Variants in BFSP2 observed in about 807,000 individuals in gnomAD.
BFSP2 encodes the protein beaded filament structural protein 2, also known as phakinin.
A neutral mutation model predicts 44.9 loss-of-function variants in BFSP2; 38 were observed. The ratio of observed to expected loss-of-function variants is 0.85; its 90% CI spans 0.65 to 1.11. The LOEUF is 1.11. BFSP2 is among the 50% of genes least tolerant of loss of function. The probability of loss-of-function intolerance (pLI) is 0.00; values close to 1 mark genes in which losing one functional copy is unlikely to be tolerated. For synonymous variants in BFSP2, 197 were observed against 209.9 expected, an observed-to-expected ratio of 0.94 and a Z score of 0.53; for missense variants, 525 against 533.0, an observed-to-expected ratio of 0.99 and a Z score of 0.15.
chr3:133,461,765 G>A (rs1410888959), intron 4 of BFSP2, among the ~76,000 whole-genome samples: 1 of 152,210 alleles, frequency 6.6e-6, no homozygotes, highest in Non-Finnish European at 1.5e-5. Flanking sequence ...GGAACACAGT[G>A]ACATTAAAAC....
intron 4 of BFSP2, among the ~76,000 whole-genome samples, chr3:133,459,263 G>A (rs565944250): frequency 5.9e-5 from 9 of 152,158 alleles, no homozygotes; most frequent in East Asian, 1.9e-4. Flanking sequence ...AGAACTGCTC[G>A]AACTCAGGAG....
intron 1 of BFSP2, among the ~76,000 whole-genome samples, chr3:133,430,557 C>G (rs1423418283): frequency 6.6e-6 from 1 of 152,158 alleles, no homozygotes; most frequent in African/African-American, 2.4e-5. Context: ...TCCAAATAGC[C>G]AGAAAACGGC....
chr3:133,424,141 G>A (rs2073619957), intron 1 of BFSP2, among the ~76,000 whole-genome samples: 1 of 150,218 alleles, frequency 6.7e-6, no homozygotes, highest in Admixed American at 6.6e-5. Context: ...AACCTCCGCC[G>A]CCCGGGTTCA....
At position 133,474,994 on chromosome 3, in the gene BFSP2, A is replaced by G. The variant is rs759824061; in HGVS notation, c.*22A>G. 2 of 1,613,928 alleles carry G rather than the reference A, an allele frequency of 1.2e-6. No individual in the cohort carries two copies. Among genetic ancestry groups the G allele is most frequent in the African/African-American group, 1.3e-5 (1 of 74,990 alleles). On this transcript the variant is annotated 3_prime_UTR_variant, in exon 7 of 7. Coordinates refer to ENST00000302334, the MANE Select transcript of BFSP2 (RefSeq NM_003571.4). ...CTGATGGAGAAACTTCCTCTTTTTC[A>G]TGAAGAAAACACCCTTCCTCAACAG...
At chr3:133,405,956 ATTT>A (rs1421419896) in intron 1 of BFSP2, among the ~76,000 whole-genome samples, 1 of 151,882 alleles carries the variant, frequency 6.6e-6, no homozygotes, top group Non-Finnish European at 1.5e-5. Context: ...CTCTTTATTT[ATTT>A]TTATTTATTT....
chr3:133,456,907 A>C (rs2074017735), intron 4 of BFSP2, among the ~76,000 whole-genome samples: 2 of 151,982 alleles, frequency 1.3e-5, no homozygotes, highest in Non-Finnish European at 1.5e-5. Context: ...GCATCTCTCC[A>C]TGTCATCTAC....
chr3:133,473,971 G>C (rs953516385), intron 6 of BFSP2, among the ~76,000 whole-genome samples: 1 of 152,206 alleles, frequency 6.6e-6, no homozygotes, highest in South Asian at 2.1e-4. Flanking sequence ...CCATCTGCAA[G>C]GGAGGCTAAG....
At chr3:133,460,051 A>T (rs1167987284) in intron 4 of BFSP2, among the ~76,000 whole-genome samples, 1 of 152,152 alleles carries the variant, frequency 6.6e-6, no homozygotes, top group Non-Finnish European at 1.5e-5. Context: ...CCCACAGTCC[A>T]GTGTGGATGT....
intron 1 of BFSP2, among the ~76,000 whole-genome samples, chr3:133,420,006 G>A (rs2107893178): frequency 6.6e-6 from 1 of 152,340 alleles, no homozygotes; most frequent in East Asian, 1.9e-4. Context: ...CCCCCGACAG[G>A]GGCGATCACC....
At chr3:133,443,590 G>A (rs114135084) in intron 1 of BFSP2, among the ~76,000 whole-genome samples, 9,734 of 152,256 alleles carry the variant, frequency 0.064, 358 homozygotes, top group Admixed American at 0.12. Context: ...TTGGTAATAC[G>A]GTGGCCTTGT....
At chr3:133,474,568 A>G (rs6439410) in intron 6 of BFSP2, among the ~76,000 whole-genome samples, 90,402 of 152,038 alleles carry the variant, frequency 0.59, 28,623 homozygotes, top group South Asian at 0.76. Flanking sequence ...TTTTTTTTTC[A>G]GATGCCTATG....
intron 6 of BFSP2, among the ~76,000 whole-genome samples, chr3:133,474,551 CAAAGT>C (rs1235259902): frequency 6.6e-6 from 1 of 152,212 alleles, no homozygotes; most frequent in Non-Finnish European, 1.5e-5. Context: ...ATGTTCCTAA[CAAAGT>C]ATTTTTTTTT....
rs147625318 is a variant in BFSP2, at chr3:133,469,887, C to G, written c.1024-2458C>G. On this transcript the variant is annotated intron_variant, in intron 5 of 6. Transcript: ENST00000302334. ...GTCACCATGGAAAAACCTCAGGCCA[C>G]ATGAAGAACTCACCTAGAAGATGGA... 8.1e-4 allele frequency among the ~76,000 whole-genome samples: 123 copies of G among 152,360 alleles called. 1 individual carries two copies. The highest frequency in any genetic ancestry group is 2.9e-3 in the African/African-American group (122 of 41,586).
intron 4 of BFSP2, among the ~76,000 whole-genome samples, chr3:133,451,632 G>C (rs1356766623): frequency 6.6e-6 from 1 of 152,244 alleles, no homozygotes; most frequent in African/African-American, 2.4e-5. Flanking sequence ...ACTAGGCATT[G>C]AGAAAAAATT....
At chr3:133,459,860 G>A (rs138586838) in intron 4 of BFSP2, among the ~76,000 whole-genome samples, 2 of 152,340 alleles carry the variant, frequency 1.3e-5, no homozygotes, top group African/African-American at 2.4e-5. Context: ...ATGAAAAGGA[G>A]ATTTGATCTC....
At chr3:133,470,227 C>T (rs747629779) in intron 5 of BFSP2, among the ~76,000 whole-genome samples, 10 of 152,166 alleles carry the variant, frequency 6.6e-5, no homozygotes, top group Middle Eastern at 3.2e-3. Context: ...AGATGAGAAT[C>T]TGACTCAACA....
intron 1 of BFSP2, among the ~76,000 whole-genome samples, chr3:133,423,741 T>G (rs2073615890): frequency 6.6e-6 from 1 of 152,078 alleles, no homozygotes; most frequent in Non-Finnish European, 1.5e-5. Flanking sequence ...CTGGTTCTCT[T>G]GGCAGGTGGC....
intron 4 of BFSP2, among the ~76,000 whole-genome samples, chr3:133,452,264 G>T (rs1242558997): frequency 1.3e-5 from 2 of 152,136 alleles, no homozygotes; most frequent in Non-Finnish European, 2.9e-5. Flanking sequence ...AACCTTCCCA[G>T]CAGGGTCTTC....
chr3:133,457,484 G>A (rs1487587050), intron 4 of BFSP2, among the ~76,000 whole-genome samples: 2 of 151,836 alleles, frequency 1.3e-5, no homozygotes, highest in Non-Finnish European at 2.9e-5. Context: ...TTTCTATGGG[G>A]GTCAATCAAT....
Sources: allele counts gnomAD v4.1 joint callset (sites outside exome capture counted in the v4.1 genomes callset), GRCh38; gene constraint gnomAD v4.1.1; transcripts MANE v1.5; gene names NCBI Gene and HGNC (gene_info 2026-07-23, HGNC 2026-07-21).